AZI2: variants seen among roughly 807,000 people sequenced by gnomAD.
AZI2 encodes the protein 5-azacytidine-induced protein 2.
A neutral mutation model predicts 45.8 loss-of-function variants in AZI2; 22 were observed. The ratio of observed to expected loss-of-function variants is 0.48; its 90% CI spans 0.34 to 0.69. AZI2 has a LOEUF of 0.69. AZI2 is among the 30% of genes least tolerant of loss of function. The pLI is 0.01. For synonymous variants in AZI2, 137 were observed against 156.7 expected, an observed-to-expected ratio of 0.87 and a Z score of 0.94; for missense variants, 417 against 441.5, an observed-to-expected ratio of 0.94 and a Z score of 0.50.
Position 28,324,271 on chromosome 3 carries a change from T to G in AZI2, c.950A>C (p.Gln317Pro), listed in dbSNP as rs1703296599. 6.2e-7 allele frequency: 1 copy of G among 1,609,190 alleles called. No homozygotes were observed. Reference protein sequence around the residue: ...VKVLSEKAILQSWTDNERSIP... With the variant: ...VKVLSEKAILPSWTDNERSIP... ...GGATCTCTCATTGTCTGTCCATGAT[T>G]GGAGGATTGCTTTCTCTGATAAAAC... Residue 317 changes from glutamine (Q) to proline (P), a missense_variant, in exon 8 of 8, where the codon CAA becomes CCA. Physicochemically the swap from Gln to Pro is moderately conservative, Grantham distance 76 (BLOSUM62 -1). Transcript: ENST00000479665.
chr3:28,344,567 T>C (rs1403178256), intron 1 of AZI2, among the ~76,000 whole-genome samples: 1 of 152,090 alleles, frequency 6.6e-6, no homozygotes, highest in East Asian at 1.9e-4. Flanking sequence ...TTTTAAACAC[T>C]TTTGTTGCAA....
At chr3:28,327,366 T>C (rs147828233) in intron 6 of AZI2, among the ~76,000 whole-genome samples, 210 of 151,204 alleles carry the variant, frequency 1.4e-3, no homozygotes, top group Admixed American at 2.4e-3. Context: ...TATCTTTTGA[T>C]TGTTTTGACA....
At chr3:28,331,788 T>C in intron 6 of AZI2, 1 of 1,521,578 alleles carries the variant, frequency 6.6e-7, no homozygotes, top group Non-Finnish European at 8.9e-7. Context: ...AACACAGAAT[T>C]GAAGTTACTT....
At chr3:28,329,063 G>C (rs1273263043) in intron 6 of AZI2, among the ~76,000 whole-genome samples, 1 of 151,222 alleles carries the variant, frequency 6.6e-6, no homozygotes, top group African/African-American at 2.4e-5. Context: ...CAAAATGCTA[G>C]TAATATATAT....
chr3:28,333,520 A>T (rs542775603), intron 5 of AZI2, among the ~76,000 whole-genome samples: 43 of 142,884 alleles, frequency 3.0e-4, no homozygotes, highest in East Asian at 1.2e-3. Context: ...TTTTTTTTTT[A>T]AAAATTAGTA....
At chr3:28,340,711 C>T in intron 1 of AZI2, 89 bp from the exon 2 acceptor site, 1 of 1,005,500 alleles carries the variant, frequency 9.9e-7, no homozygotes, top group Non-Finnish European at 1.4e-6. Context: ...AATGTAAATA[C>T]TAGGACAATG....
rs994162621 is a variant in AZI2, at chr3:28,333,068, A to C, written c.589-641T>G. 2.6e-5 allele frequency among the ~76,000 whole-genome samples: 4 copies of C among 151,824 alleles called. No individual in the cohort carries two copies. The South Asian group carries it at 8.3e-4, about 31-fold the overall frequency. On this transcript the variant is annotated intron_variant, in intron 5 of 7. Coordinates refer to ENST00000479665, the MANE Select transcript of AZI2 (RefSeq NM_022461.5). ...ACTCTAACACACTTGTTTGCAATGC[A>C]TTCTCATTTAAGGATCTGTAACAAA... is the stretch of plus-strand genomic sequence containing the variant.
chr3:28,336,671 A>T (rs1703803864), intron 5 of AZI2, 66 bp downstream of exon 5: 2 of 1,457,800 alleles, frequency 1.4e-6, no homozygotes, highest in South Asian at 1.2e-5. Flanking sequence ...ATACAATCTT[A>T]GTTATAAATC....
At chr3:28,334,289 T>C (rs1703705677) in intron 5 of AZI2, among the ~76,000 whole-genome samples, 1 of 151,906 alleles carries the variant, frequency 6.6e-6, no homozygotes, top group Non-Finnish European at 1.5e-5. Flanking sequence ...TAGAGTAATA[T>C]GGCTAGAGTA....
At chr3:28,326,307 G>C (rs1189649951) in intron 7 of AZI2, among the ~76,000 whole-genome samples, 1 of 150,976 alleles carries the variant, frequency 6.6e-6, no homozygotes, top group African/African-American at 2.4e-5. Flanking sequence ...TGGTTGAAGG[G>C]CATAAGGGGA....
intron 6 of AZI2, 43 bp from the exon 7 acceptor site, chr3:28,326,993 T>TTA: frequency 7.5e-7 from 1 of 1,328,650 alleles, no homozygotes; most frequent in Non-Finnish European, 1.1e-6. Flanking sequence ...TCATCATTCT[T>TTA]TTTTAGACAA....
chr3:28,333,886 C>A (rs947125540), intron 5 of AZI2, among the ~76,000 whole-genome samples: 2 of 151,256 alleles, frequency 1.3e-5, no homozygotes, highest in Non-Finnish European at 3.0e-5. Flanking sequence ...TACTACAGTA[C>A]ACTGTGAATC....
chr3:28,343,178 G>C (rs2125667915), intron 1 of AZI2, among the ~76,000 whole-genome samples: 1 of 152,126 alleles, frequency 6.6e-6, no homozygotes, highest in African/African-American at 2.4e-5. Flanking sequence ...GAATGTTATG[G>C]GGGGTCTGAG....
chr3:28,338,467 A>G (rs1048638244), intron 3 of AZI2, 26 bp downstream of exon 3: 4 of 1,506,888 alleles, frequency 2.7e-6, no homozygotes, highest in Non-Finnish European at 3.6e-6. Context: ...CAAAATGCAG[A>G]TGTCATTCGC....
chr3:28,341,307 T>TA (rs1559463206), intron 1 of AZI2, among the ~76,000 whole-genome samples: 1 of 152,094 alleles, frequency 6.6e-6, no homozygotes, highest in Non-Finnish European at 1.5e-5. Flanking sequence ...AGGTAGGTCT[T>TA]AGAAAGTTGA....
At chr3:28,346,138 G>T (rs1704217600) in intron 1 of AZI2, among the ~76,000 whole-genome samples, 1 of 152,046 alleles carries the variant, frequency 6.6e-6, no homozygotes, top group Non-Finnish European at 1.5e-5. Context: ...ATACAAAAGG[G>T]ATTCTGGTTA....
chr3:28,324,361 G>C lies in AZI2; in HGVS notation c.860C>G (p.Pro287Arg). The C allele has an allele frequency of 6.3e-7, 1 of 1,593,940 alleles. No individual in the cohort carries two copies. Residue 287 changes from proline (P) to arginine (R), a missense_variant, in exon 8 of 8, where the codon CCT (proline) becomes CGT (arginine). Physicochemically the swap from Pro to Arg is moderately radical, Grantham distance 103 (BLOSUM62 -2). Transcript: ENST00000479665. ...AAGAGCTTTGCCATTTGGTAAGAGA[G>C]GGGGATGTCTTGTGTATGTTGCAGT... ...NFTATYTRHP[P>R]LLPNGKALCH...
chr3:28,326,936 T>C lies in AZI2; in HGVS notation c.662A>G (p.His221Arg), dbSNP rs2125638830. 4 of 1,604,528 alleles carry C rather than the reference T, an allele frequency of 2.5e-6. No individual in the cohort carries two copies. Among genetic ancestry groups the C allele is most frequent in the Non-Finnish European group, 3.4e-6 (4 of 1,172,942 alleles). Residue 221 changes from histidine to arginine, a missense_variant, in exon 7 of 8, where the codon CAT becomes CGT. Coordinates refer to ENST00000479665, the MANE Select transcript of AZI2 (RefSeq NM_022461.5). The part of the protein sequence containing the change: ...KLSISSDNMQ[H>R]AYWELKREMS... Reference sequence around the variant, plus strand: ...TTCTCTCTTCAGTTCCCAGTATGCATGCTGCATATTATCACTGAAATAAAT... The same window carrying C: ...TTCTCTCTTCAGTTCCCAGTATGCACGCTGCATATTATCACTGAAATAAAT...
Position 28,336,609 on chromosome 3 carries a change from A to G in AZI2, c.588+128T>C. The stretch of plus-strand genomic sequence containing the variant: ...GAGGTAGATAAACAAGAATTTTTTA[A>G]GGAATAGAACATTCTCTAAATAATT... On this transcript the variant is annotated intron_variant, in intron 5 of 7. Coordinates refer to ENST00000479665, the MANE Select transcript of AZI2 (RefSeq NM_022461.5). The G allele has an allele frequency of 3.9e-6, 4 of 1,024,426 alleles. No homozygotes were observed. In the South Asian group the frequency reaches 9.2e-5, roughly 24 times the overall value. 63.5% of individuals were successfully genotyped at this position (1,024,426 alleles called of 1,614,324 possible).
Sources: allele counts gnomAD v4.1 joint callset (sites outside exome capture counted in the v4.1 genomes callset), GRCh38; gene constraint gnomAD v4.1.1; transcripts MANE v1.5; gene names NCBI Gene and HGNC (gene_info 2026-07-23, HGNC 2026-07-21).